ENG: variants seen among roughly 807,000 people sequenced by gnomAD.
ENG encodes the protein CD105 antigen.
In ENG, 17 loss-of-function variants were observed where a neutral mutation model predicts 71.0. The ratio of observed to expected loss-of-function variants is 0.24; its 90% CI spans 0.16 to 0.36. The LOEUF (loss-of-function observed/expected upper bound fraction) is 0.36. ENG is among the 10% of genes least tolerant of loss of function. The probability of loss-of-function intolerance (pLI) is 1.00; values close to 1 mark genes in which losing one functional copy is unlikely to be tolerated. For missense variants in ENG, 749 were observed against 868.3 expected (o/e 0.86, Z 1.73); for synonymous variants, 360 against 366.9 (o/e 0.98, Z 0.21).
At chr9:127,843,283 TAAGGTGATGAC>T in intron 1 of ENG, 38 bp from the exon 2 acceptor site, 23 of 1,613,746 alleles carry the variant, frequency 1.4e-5, no homozygotes, top group Non-Finnish European at 1.9e-5. Flanking sequence ...CAGGTGAGAA[TAAGGTGATGAC>T]AATGACTCCT....
rs945948595 is a variant in ENG at position 127,846,463 on chromosome 9, C to G, written c.68-3218G>C. The stretch of plus-strand genomic sequence containing the variant: ...TCCCTCCTTCCCTTTGGGACTTTCC[C>G]TGCCCCCTCCCCAGACTTCCAGGAA... On this transcript the variant is annotated intron_variant, in intron 1 of 14. Coordinates refer to ENST00000373203, the MANE Select transcript of ENG (RefSeq NM_001114753.3). The surrounding 1 kb of genome is among the most constrained non-coding windows in gnomAD (Gnocchi z 5.5). 1.3e-5 allele frequency among the ~76,000 whole-genome samples: 2 copies of G among 152,202 alleles called. No individual in the cohort carries two copies. The highest frequency in any genetic ancestry group is 1.3e-4 in the Admixed American group (2 of 15,282).
intron 8 of ENG, among the ~76,000 whole-genome samples, chr9:127,823,156 T>C (rs1248344945): frequency 6.9e-6 from 1 of 145,164 alleles, no homozygotes; most frequent in South Asian, 2.2e-4. Context: ...TGTTCTTTCA[T>C]TTTATTTTGA....
At chr9:127,817,930 C>A in intron 12 of ENG, 190 bp downstream of exon 12, 1 of 768,574 alleles carries the variant, frequency 1.3e-6, no homozygotes, top group Non-Finnish European at 2.1e-6. Context: ...CCAGACACAG[C>A]AGTCCCACCA....
At chr9:127,852,123 C>T (rs1019466085) in intron 1 of ENG, among the ~76,000 whole-genome samples, 2 of 152,258 alleles carry the variant, frequency 1.3e-5, no homozygotes, top group Middle Eastern at 3.4e-3. Flanking sequence ...GACATTCCGT[C>T]GTGTGGTAAT....
At chr9:127,820,084 T>C (rs1203669182) in intron 8 of ENG, 47 bp from the exon 9 acceptor site, 1 of 1,601,500 alleles carries the variant, frequency 6.2e-7, no homozygotes, top group East Asian at 2.2e-5. Flanking sequence ...GGGGTCTCTG[T>C]GGCCTGCCAC....
In ENG at chr9:127,854,351, T is replaced by C; in HGVS notation, c.5A>G (p.Asp2Gly). 6.3e-7 allele frequency: 1 copy of C among 1,588,808 alleles called. No individual in the cohort carries two copies. Among genetic ancestry groups the C allele is most frequent in the Non-Finnish European group, 8.6e-7 (1 of 1,168,204 alleles). ...AACAGCCAGAGGGAGCGTGCCGCGG[T>C]CCATGCTGTCCACGTGGGGGCCTGT... M[D>G]RGTLPLAVAL... is the part of the protein sequence containing the mutation. Residue 2 changes from aspartate to glycine, a missense_variant, in exon 1 of 15, where the codon GAC becomes GGC. Physicochemically the swap from Asp to Gly is moderately conservative, Grantham distance 94. Coordinates refer to ENST00000373203, the MANE Select transcript of ENG (RefSeq NM_001114753.3).
At chr9:127,817,903 C>CA (rs1830368742) in intron 12 of ENG, 1 of 635,436 alleles carries the variant, frequency 1.6e-6, no homozygotes, top group Non-Finnish European at 2.7e-6. Context: ...GTGGCAGCTG[C>CA]ATAGTCTGCC....
chr9:127,832,073 T>A (rs924184880), intron 2 of ENG, among the ~76,000 whole-genome samples: 1 of 136,920 alleles, frequency 7.3e-6, no homozygotes, highest in African/African-American at 2.7e-5. Flanking sequence ...ACCATTCTTT[T>A]TTTTTTTTTT....
In ENG at chr9:127,846,673, G is replaced by A. The variant is rs1054046744; in HGVS notation, c.68-3428C>T. On this transcript the variant is annotated intron_variant, in intron 1 of 14. Coordinates refer to ENST00000373203, the MANE Select transcript of ENG (RefSeq NM_001114753.3). The surrounding 1 kb of genome is among the most constrained non-coding windows in gnomAD (Gnocchi z 5.5). ...TCCTGGCCGCCCCCACCCCGCAGAC[G>A]AGAATGGGGAGACAGGAGGGAGTGT... 1.3e-5 allele frequency among the ~76,000 whole-genome samples: 2 copies of A among 152,282 alleles called. No individual in the cohort carries two copies. Among genetic ancestry groups the A allele is most frequent in the East Asian group, 1.9e-4 (1 of 5,176 alleles).
At chr9:127,833,036 C>T (rs577985595) in intron 2 of ENG, among the ~76,000 whole-genome samples, 1 of 152,170 alleles carries the variant, frequency 6.6e-6, no homozygotes, top group Non-Finnish European at 1.5e-5. Flanking sequence ...GGATTATAGG[C>T]GTGAGCCACT....
chr9:127,839,712 C>T (rs747740266), intron 2 of ENG, among the ~76,000 whole-genome samples: 20 of 152,112 alleles, frequency 1.3e-4, no homozygotes, highest in Non-Finnish European at 2.4e-4. Flanking sequence ...CCTGCCACCA[C>T]GCCTGGCTAA....
intron 2 of ENG, among the ~76,000 whole-genome samples, chr9:127,842,147 G>C (rs1358582008): frequency 1.3e-5 from 2 of 152,134 alleles, no homozygotes; most frequent in Non-Finnish European, 2.9e-5. Context: ...GGATCTCTGA[G>C]GGTCACAGAT....
chr9:127,819,055 A>G (rs1015936137), intron 10 of ENG, among the ~76,000 whole-genome samples: 9 of 151,022 alleles, frequency 6.0e-5, no homozygotes, highest in African/African-American at 2.2e-4. Context: ...CTCCTACCTC[A>G]GCCTCCCAAG....
At chr9:127,818,940 C>CCT in intron 10 of ENG, 108 bp from the exon 11 acceptor site, 1 of 685,260 alleles carries the variant, frequency 1.5e-6, no homozygotes, top group Non-Finnish European at 2.5e-6. Context: ...GCCTGACTCT[C>CCT]TTTTTTTTTT....
rs1830957615 is a variant in ENG, at chr9:127,838,599, C to T, written c.219+4495G>A. Reference sequence around the variant, plus strand: ...GGGTCTCAGCTGCCCCAAGTTTGCCCAGGAGTGGGTGAATCAGTGCTGACC... The same window carrying T: ...GGGTCTCAGCTGCCCCAAGTTTGCCTAGGAGTGGGTGAATCAGTGCTGACC... On this transcript the variant is annotated intron_variant, in intron 2 of 14. Coordinates refer to ENST00000373203, the MANE Select transcript of ENG (RefSeq NM_001114753.3). The surrounding 1 kb of genome is among the most constrained non-coding windows in gnomAD (Gnocchi z 4.3). 1.3e-5 allele frequency among the ~76,000 whole-genome samples: 2 copies of T among 152,164 alleles called. No individual in the cohort carries two copies. Among genetic ancestry groups the T allele is most frequent in the Non-Finnish European group, 2.9e-5 (2 of 68,026 alleles).
chr9:127,835,140 A>C (rs748682923), intron 2 of ENG, among the ~76,000 whole-genome samples: 1 of 152,110 alleles, frequency 6.6e-6, no homozygotes, highest in Non-Finnish European at 1.5e-5. Flanking sequence ...CTGGGACTAC[A>C]GGCATACACC....
rs376923968 is a variant in ENG at position 127,839,649 on chromosome 9, G to A, written c.219+3445C>T. On this transcript the variant is annotated intron_variant, in intron 2 of 14. Coordinates refer to ENST00000373203, the MANE Select transcript of ENG (RefSeq NM_001114753.3). ...CGGCTCACTGCAATCTCCACCTCCCGGGTTCAAACGATTCTCTTGCCTCAG... is the reference window on the plus strand; with the variant it reads ...CGGCTCACTGCAATCTCCACCTCCCAGGTTCAAACGATTCTCTTGCCTCAG... 2.0e-4 allele frequency among the ~76,000 whole-genome samples: 31 copies of A among 152,208 alleles called. No individual in the cohort carries two copies. In the East Asian group the frequency reaches 4.4e-3, roughly 22 times the overall value.
At position 127,836,932 on chromosome 9, in the gene ENG, C is replaced by T. The variant is rs1008021155; in HGVS notation, c.219+6162G>A. 2.6e-5 allele frequency among the ~76,000 whole-genome samples: 4 copies of T among 152,130 alleles called. No individual in the cohort carries two copies. Among genetic ancestry groups the T allele is most frequent in the Non-Finnish European group, 5.9e-5 (4 of 68,030 alleles). On this transcript the variant is annotated intron_variant, in intron 2 of 14. Transcript: ENST00000373203. The surrounding 1 kb of genome is among the most constrained non-coding windows in gnomAD (Gnocchi z 4.0). ...CCTCCTGAGTAGCTGGGACTACAGG[C>T]ACCCACCACCATGCTCAGCTAATTT...
intron 6 of ENG, 124 bp from the exon 7 acceptor site, chr9:127,825,098 G>T: frequency 6.3e-7 from 1 of 1,590,736 alleles, no homozygotes; most frequent in Non-Finnish European, 8.6e-7. Context: ...CTTCTGCCTG[G>T]CCCCTTCCCT....
Sources: gnomAD v4.1 joint callset for allele counts (sites outside exome capture counted in the v4.1 genomes callset) on GRCh38, gnomAD v4.1.1 for gene constraint, Gnocchi (gnomAD v3.1) non-coding constraint, MANE v1.5 for transcripts, NCBI Gene and HGNC (gene_info 2026-07-23, HGNC 2026-07-21) for gene names.